Variants in TMTC1 observed in about 807,000 individuals in gnomAD.
TMTC1 encodes transmembrane O-mannosyltransferase targeting cadherins 1, also known as protein O-mannosyl-transferase TMTC1.
TMTC1 carries 73 observed loss-of-function variants against 104.8 expected under a neutral mutation model. The observed-to-expected ratio is 0.70, with a 90% CI of 0.58 to 0.85. The LOEUF is 0.85. Among genes scored for constraint, TMTC1 ranks in the 40% least tolerant of loss-of-function variants. TMTC1 has a pLI of 0.00. For missense variants in TMTC1, 1,035 were observed against 1,096.1 expected, an observed-to-expected ratio of 0.94 and a Z score of 0.79; for synonymous variants, 434 against 428.7, an observed-to-expected ratio of 1.01 and a Z score of -0.15.
chr12:29,557,149 T>C (rs1190030711), intron 9 of TMTC1, 149 bp from the exon 10 acceptor site: 3 of 847,476 alleles, frequency 3.5e-6, no homozygotes, highest in Non-Finnish European at 5.4e-6. Flanking sequence ...ATCTTACTGG[T>C]CAACGACTTT....
chr12:29,729,988 G>T (rs148534131), intron 5 of TMTC1, among the ~76,000 whole-genome samples: 2 of 152,214 alleles, frequency 1.3e-5, no homozygotes, highest in East Asian at 3.9e-4. Flanking sequence ...TGCTTACTAT[G>T]GGGTTCAGCA....
chr12:29,692,733 C>A (rs2045678319), intron 5 of TMTC1, among the ~76,000 whole-genome samples: 1 of 145,012 alleles, frequency 6.9e-6, no homozygotes, highest in South Asian at 2.2e-4. Context: ...AAATGAAAAC[C>A]ATCCAAATGT....
intron 5 of TMTC1, among the ~76,000 whole-genome samples, chr12:29,735,707 G>C (rs1046718433): frequency 6.6e-6 from 1 of 152,168 alleles, no homozygotes; most frequent in Non-Finnish European, 1.5e-5. Context: ...TGAGTTCAAA[G>C]CCTCACAATG....
rs929439477 is a variant in TMTC1, at chr12:29,783,145, A to G, written c.302+305T>C. ...CGATCCGGCAGGCGAAGGGGTGCGGAGGCGGTTTCACCAGCCCGCTCCCAG... is the reference window on the plus strand; with the variant it reads ...CGATCCGGCAGGCGAAGGGGTGCGGGGGCGGTTTCACCAGCCCGCTCCCAG... On this transcript the variant is annotated intron_variant, in intron 1 of 17. Coordinates refer to ENST00000539277, the MANE Select transcript of TMTC1 (RefSeq NM_001193451.2). The surrounding 1 kb of genome is among the most constrained non-coding windows in gnomAD (Gnocchi z 4.7). 3.0e-5 allele frequency: 10 copies of G among 327,938 alleles called. No individual in the cohort carries two copies. In the Admixed American group the frequency reaches 3.9e-4, roughly 13 times the overall value. 20.3% of individuals were successfully genotyped at this position (327,938 alleles called of 1,614,324 possible).
chr12:29,661,023 C>T, intron 5 of TMTC1: 1 of 390,296 alleles, frequency 2.6e-6, no homozygotes, highest in Non-Finnish European at 4.1e-6. Context: ...AGCCAGAACA[C>T]CTGGGTTTCC....
intron 5 of TMTC1, among the ~76,000 whole-genome samples, chr12:29,735,822 G>A (rs2136928116): frequency 6.6e-6 from 1 of 152,282 alleles, no homozygotes; most frequent in South Asian, 2.1e-4. Context: ...AGCATCAACC[G>A]TGTAGCAGGT....
intron 11 of TMTC1, among the ~76,000 whole-genome samples, chr12:29,526,913 A>C (rs990632835): frequency 2.6e-5 from 4 of 152,192 alleles, no homozygotes; most frequent in African/African-American, 9.6e-5. Flanking sequence ...TATATTAATA[A>C]TGTATTCATA....
chr12:29,639,020 A>C (rs750116715), intron 5 of TMTC1, among the ~76,000 whole-genome samples: 37 of 152,182 alleles, frequency 2.4e-4, no homozygotes, highest in Non-Finnish European at 4.6e-4. Context: ...CTCCAGAACT[A>C]TCCAAAGAAA....
intron 1 of TMTC1, among the ~76,000 whole-genome samples, chr12:29,769,524 A>T (rs752519894): frequency 2.6e-5 from 4 of 152,200 alleles, no homozygotes; most frequent in Non-Finnish European, 5.9e-5. Context: ...CTGTATAGAA[A>T]CACACACGAG....
intron 11 of TMTC1, among the ~76,000 whole-genome samples, chr12:29,532,175 A>G (rs1944523680): frequency 6.6e-6 from 1 of 152,128 alleles, no homozygotes; most frequent in Admixed American, 6.5e-5. Flanking sequence ...TCTAGCCCTG[A>G]TCTCTTTCTC....
intron 11 of TMTC1, among the ~76,000 whole-genome samples, chr12:29,528,619 C>T (rs1349752053): frequency 6.6e-6 from 1 of 152,176 alleles, no homozygotes; most frequent in Non-Finnish European, 1.5e-5. Context: ...CTGTAATTTA[C>T]TGTCTTGAGC....
chr12:29,506,550 A>C lies in TMTC1; in HGVS notation c.*296T>G. 3.2e-6 allele frequency: 1 copy of C among 315,942 alleles called. No homozygotes were observed. Among genetic ancestry groups the C allele is most frequent in the East Asian group, 6.3e-5 (1 of 15,754 alleles). 19.6% of individuals were successfully genotyped at this position (315,942 alleles called of 1,614,324 possible). On this transcript the variant is annotated 3_prime_UTR_variant, in exon 18 of 18. Coordinates refer to ENST00000539277, the MANE Select transcript of TMTC1 (RefSeq NM_001193451.2). ...TTAGATCTCCAGGTCTCAAAAGCAC[A>C]GAGATATATCAAGAGAAATCTGGAG...
chr12:29,633,564 G>A (rs1277859163), intron 5 of TMTC1, among the ~76,000 whole-genome samples: 1 of 151,996 alleles, frequency 6.6e-6, no homozygotes, highest in Non-Finnish European at 1.5e-5. Flanking sequence ...TTTTAATGGT[G>A]AACAAATACA....
At chr12:29,568,948 G>T (rs1220682752) in intron 9 of TMTC1, 1 of 455,994 alleles carries the variant, frequency 2.2e-6, no homozygotes, top group East Asian at 6.9e-5. Flanking sequence ...GTGTTTTTCT[G>T]AATCTCCAGC....
At chr12:29,652,528 C>T (rs1404587766) in intron 5 of TMTC1, among the ~76,000 whole-genome samples, 1 of 152,136 alleles carries the variant, frequency 6.6e-6, no homozygotes, top group African/African-American at 2.4e-5. Flanking sequence ...CCTTCAGAAA[C>T]AAAAAGGCAA....
chr12:29,735,056 C>T (rs1278891612), intron 5 of TMTC1, among the ~76,000 whole-genome samples: 17 of 152,154 alleles, frequency 1.1e-4, no homozygotes, highest in Admixed American at 6.5e-4. Context: ...CACATTCAAC[C>T]GCAGAACTAA....
At chr12:29,720,013 T>G (rs1565792298) in intron 5 of TMTC1, among the ~76,000 whole-genome samples, 2 of 152,176 alleles carry the variant, frequency 1.3e-5, no homozygotes, top group Non-Finnish European at 2.9e-5. Flanking sequence ...CAGGGTTGCA[T>G]GTCTTAAGGA....
At chr12:29,718,432 A>G (rs995938152) in intron 5 of TMTC1, among the ~76,000 whole-genome samples, 1 of 152,186 alleles carries the variant, frequency 6.6e-6, no homozygotes, top group Non-Finnish European at 1.5e-5. Flanking sequence ...GTCACAGAAG[A>G]CTGTCCCCAA....
intron 5 of TMTC1, among the ~76,000 whole-genome samples, chr12:29,664,002 A>G (rs1184620147): frequency 6.6e-6 from 1 of 151,684 alleles, no homozygotes; most frequent in Admixed American, 6.6e-5. Flanking sequence ...CCCGGCTAAA[A>G]CGGTGAAACC....
Sources: gnomAD v4.1 joint callset for allele counts (sites outside exome capture counted in the v4.1 genomes callset) on GRCh38, gnomAD v4.1.1 for gene constraint, Gnocchi (gnomAD v3.1) non-coding constraint, MANE v1.5 for transcripts, NCBI Gene and HGNC (gene_info 2026-07-23, HGNC 2026-07-21) for gene names.